RALGDS: variants seen among roughly 807,000 people sequenced by gnomAD.
The protein encoded by RALGDS is ral guanine nucleotide exchange factor.
RALGDS carries 44 observed loss-of-function variants against 99.8 expected under a neutral mutation model. That is an observed-to-expected ratio of 0.44 (90% CI 0.35 to 0.57). The LOEUF (loss-of-function observed/expected upper bound fraction) is 0.57. RALGDS is among the 20% of genes least tolerant of loss of function. The pLI is 0.01. For missense variants in RALGDS, 1,022 were observed against 1,203.1 expected (o/e 0.85, Z 2.23); for synonymous variants, 529 against 505.0 (o/e 1.05, Z -0.64).
chr9:133,136,644 G>C (rs1832431611), intron 1 of RALGDS, among the ~76,000 whole-genome samples: 1 of 151,984 alleles, frequency 6.6e-6, no homozygotes, highest in Non-Finnish European at 1.5e-5. Context: ...CGTGGTGGCG[G>C]CGCCTGTAAC....
At chr9:133,146,213 G>A (rs1015445099) in intron 1 of RALGDS, among the ~76,000 whole-genome samples, 1 of 152,008 alleles carries the variant, frequency 6.6e-6, no homozygotes, top group Non-Finnish European at 1.5e-5. Flanking sequence ...ATTGAGACAG[G>A]GTCTGGCTCC....
At chr9:133,099,030 C>A in intron 17 of RALGDS, 1 of 467,640 alleles carries the variant, frequency 2.1e-6, no homozygotes, top group Admixed American at 3.4e-5. Context: ...GAGGGTCACC[C>A]CGTCCTGCCC....
intron 16 of RALGDS, 119 bp downstream of exon 16, chr9:133,101,401 C>T (rs1453171606): frequency 3.8e-6 from 6 of 1,574,912 alleles, no homozygotes; most frequent in Non-Finnish European, 5.2e-6. Flanking sequence ...ACCTGGCTGA[C>T]ATCTGTCCTT....
upstream of RALGDS, among the ~76,000 whole-genome samples, chr9:133,123,944 A>G (rs1369394548): frequency 1.3e-5 from 2 of 150,756 alleles, 1 homozygote; most frequent in Non-Finnish European, 3.0e-5. Context: ...AAAGATACAC[A>G]GAGATGCACA....
intron 17 of RALGDS, 80 bp from the exon 18 acceptor site, chr9:133,098,842 C>T (rs928626961): frequency 4.9e-5 from 70 of 1,440,814 alleles, no homozygotes; most frequent in Admixed American, 3.9e-4. Flanking sequence ...AGAGCCCATA[C>T]AAGGACTGTC....
At chr9:133,113,675 T>C (rs1295968939) in intron 1 of RALGDS, among the ~76,000 whole-genome samples, 1 of 152,112 alleles carries the variant, frequency 6.6e-6, no homozygotes, top group Admixed American at 6.5e-5. Flanking sequence ...AGTTGTTCCT[T>C]TGAAAAGAAA....
intron 1 of RALGDS, among the ~76,000 whole-genome samples, chr9:133,118,261 G>T (rs73660450): frequency 0.015 from 2,278 of 152,340 alleles, 59 homozygotes; most frequent in African/African-American, 0.052. Flanking sequence ...GGTCTTCAGT[G>T]TCAAAGTGCT....
Position 133,098,768 on chromosome 9 carries a change from G to A in RALGDS, c.2570-6C>T. On this transcript the variant is annotated splice_region_variant and splice_polypyrimidine_tract_variant and intron_variant, in intron 17 of 17. Transcript: ENST00000372050. ...GTTTTCAGGGATCTTCAGCTCTGGT[G>A]GGGAGGGGCAGAGGGGTGATCAGGG... The A allele has an allele frequency of 1.2e-6, 2 of 1,613,758 alleles. No homozygotes were observed. Among genetic ancestry groups the A allele is most frequent in the Non-Finnish European group, 1.7e-6 (2 of 1,179,870 alleles).
At chr9:133,126,643 A>G (rs1355985779) in intron 1 of RALGDS, among the ~76,000 whole-genome samples, 2 of 152,066 alleles carry the variant, frequency 1.3e-5, no homozygotes, top group African/African-American at 4.8e-5. Flanking sequence ...AGTCACTGCC[A>G]CCCCGGAGGG....
chr9:133,110,304 C>T lies in RALGDS; in HGVS notation c.480G>A (p.Leu160=). 6.2e-6 allele frequency: 10 copies of T among 1,613,594 alleles called. No individual in the cohort carries two copies. Among genetic ancestry groups the T allele is most frequent in the Non-Finnish European group, 8.5e-6 (10 of 1,179,774 alleles). The change falls in exon 3 of 18, where the codon CTG becomes CTA. Residue 160 remains leucine, a synonymous_variant. Transcript: ENST00000372050. ...GGAGGGCTCATGCTCACCTTTTGAA[C>T]AGCAGGTCCAGGACCTGTTGGGTGG... is the stretch of plus-strand genomic sequence containing the variant. The part of the protein sequence containing the change: ...FTTTQQVLDL[L]FKRYGRCDAL...
chr9:133,130,193 A>G (rs1023848358), intron 1 of RALGDS, among the ~76,000 whole-genome samples: 1 of 151,536 alleles, frequency 6.6e-6, no homozygotes, highest in African/African-American at 2.4e-5. Context: ...GCTGGTCTCA[A>G]ACTCCTGACC....
intron 16 of RALGDS, chr9:133,100,654 C>A: frequency 7.5e-7 from 1 of 1,340,658 alleles, no homozygotes; most frequent in Non-Finnish European, 9.6e-7. Context: ...AGAGACTGTT[C>A]CCTCCTCCCA....
intron 11 of RALGDS, 44 bp downstream of exon 11, chr9:133,103,703 T>G: frequency 2.5e-6 from 4 of 1,587,066 alleles, no homozygotes; most frequent in Non-Finnish European, 3.5e-6. Flanking sequence ...TCAGGGAAGG[T>G]CTCTCCTCCC....
intron 1 of RALGDS, among the ~76,000 whole-genome samples, chr9:133,115,284 G>A (rs577738331): frequency 3.9e-5 from 6 of 152,310 alleles, no homozygotes; most frequent in East Asian, 1.9e-4. Flanking sequence ...GGAACTCACC[G>A]GCCCCTCCCA....
At chr9:133,149,099 C>T (rs1237579769) in exon 1 of RALGDS, 3 of 596,878 alleles carry the variant, frequency 5.0e-6, no homozygotes, top group Non-Finnish European at 6.6e-6. Flanking sequence ...ATGGCGCGGC[C>T]TCCGGTCCCC....
chr9:133,103,079 C>T (rs1373138918), intron 12 of RALGDS, 151 bp downstream of exon 12: 1 of 1,339,554 alleles, frequency 7.5e-7, no homozygotes. Context: ...ACCTCCTACC[C>T]TCACCCTCCA....
At chr9:133,103,913 T>A in intron 10 of RALGDS, 80 bp from the exon 11 acceptor site, 2 of 1,396,192 alleles carry the variant, frequency 1.4e-6, no homozygotes, top group Middle Eastern at 1.8e-4. Context: ...TGGTCTCACT[T>A]GGAACAGCTG....
At chr9:133,141,618 G>C (rs1271501262) in intron 1 of RALGDS, among the ~76,000 whole-genome samples, 6 of 152,250 alleles carry the variant, frequency 3.9e-5, no homozygotes, top group Non-Finnish European at 8.8e-5. Flanking sequence ...CCTCACCTGA[G>C]GACCAGGGGC....
chr9:133,121,274 C>T (rs1831931722), upstream of RALGDS: 1 of 936,608 alleles, frequency 1.1e-6, no homozygotes, highest in African/African-American at 1.8e-5. Flanking sequence ...TGATGTCAGG[C>T]TGGGGGGCGG....
Sources: gnomAD v4.1 joint callset for allele counts (sites outside exome capture counted in the v4.1 genomes callset) on GRCh38, gnomAD v4.1.1 for gene constraint, MANE v1.5 for transcripts, NCBI Gene and HGNC (gene_info 2026-07-23, HGNC 2026-07-21) for gene names.